The following FNBP4 variants were observed in gnomAD, a reference collection of about 807,000 sequenced individuals.
FNBP4 encodes formin binding protein 4, also known as formin-binding protein 4.
In FNBP4, 34 loss-of-function variants were observed where a neutral mutation model predicts 119.3. The observed-to-expected ratio is 0.28, with a 90% CI of 0.22 to 0.38. The LOEUF is 0.38. Ranked by LOEUF, FNBP4 falls within the 10% of genes least tolerant of loss-of-function variation. The probability of loss-of-function intolerance (pLI) is 1.00; values close to 1 mark genes in which losing one functional copy is unlikely to be tolerated. For missense variants in FNBP4, 1,112 were observed against 1,228.9 expected, an observed-to-expected ratio of 0.90 and a Z score of 1.42; for synonymous variants, 462 against 430.6, an observed-to-expected ratio of 1.07 and a Z score of -0.90.
rs71045510 is a variant in FNBP4 at position 47,738,847 on chromosome 11, A to ATTTTT, written c.1457-2112_1457-2108dup. On this transcript the variant is annotated intron_variant, in intron 8 of 16. Transcript: ENST00000263773. ...AGGTGTTTGCCACCATGCCCAGGTA[A>ATTTTT]TTTTTTTTTTTTTTTTTTTTTTTTT... 2.1e-3 allele frequency among the ~76,000 whole-genome samples: 237 copies of ATTTTT among 110,952 alleles called. 23 individuals are homozygous for ATTTTT. Among genetic ancestry groups the ATTTTT allele is most frequent in the South Asian group, 3.7e-3 (11 of 2,984 alleles). 72.8% of individuals were successfully genotyped at this position (110,952 alleles called of 152,430 possible).
At chr11:47,739,260 A>T (rs1364970924) in intron 8 of FNBP4, among the ~76,000 whole-genome samples, 1 of 152,052 alleles carries the variant, frequency 6.6e-6, no homozygotes, top group African/African-American at 2.4e-5. Context: ...TTAACCTTAT[A>T]ATATAATAGC....
At chr11:47,765,697 C>G (rs960861391) in intron 1 of FNBP4, among the ~76,000 whole-genome samples, 6 of 151,402 alleles carry the variant, frequency 4.0e-5, no homozygotes, top group Non-Finnish European at 8.8e-5. Context: ...CTTGTAATCC[C>G]AACTACTCGG....
intron 16 of FNBP4, among the ~76,000 whole-genome samples, chr11:47,719,507 ATG>A (rs1238479255): frequency 2.0e-5 from 3 of 151,862 alleles, no homozygotes; most frequent in East Asian, 1.9e-4. Context: ...TTGTACAATA[ATG>A]TGTGTGTGTA....
intron 7 of FNBP4, among the ~76,000 whole-genome samples, chr11:47,745,740 A>AC (rs1393071140): frequency 6.6e-6 from 1 of 151,902 alleles, no homozygotes; most frequent in African/African-American, 2.4e-5. Flanking sequence ...ATGTGATGTC[A>AC]CCCCCGGCGG....
rs749367262 is a variant in FNBP4, at chr11:47,767,332, G to A, written c.-44C>T. The A allele has an allele frequency of 4.2e-6, 6 of 1,431,084 alleles. No homozygotes were observed. The highest frequency in any genetic ancestry group is 2.8e-5 in the East Asian group (1 of 35,806). The allele number at this position is 1,431,084 out of a possible 1,614,324, so 88.6% of individuals were successfully genotyped here. ...CAGAGAGCGTCGGGCGGCCGAGAGG[G>A]GCGGGCACTGGAGGCTGGGCGCTGG... On this transcript the variant is annotated 5_prime_UTR_variant, in exon 1 of 17. Coordinates refer to ENST00000263773, the MANE Select transcript of FNBP4 (RefSeq NM_015308.5).
At chr11:47,741,758 G>A (rs1393730209) in intron 8 of FNBP4, among the ~76,000 whole-genome samples, 1 of 151,962 alleles carries the variant, frequency 6.6e-6, no homozygotes, top group Non-Finnish European at 1.5e-5. Flanking sequence ...GGAGGTTGCA[G>A]TGAGCTAAGA....
chr11:47,733,434 C>A (rs1321379511), intron 10 of FNBP4, among the ~76,000 whole-genome samples: 1 of 151,944 alleles, frequency 6.6e-6, no homozygotes, highest in Non-Finnish European at 1.5e-5. Context: ...CTCCTGGGTT[C>A]AAGCGATTCT....
Position 47,734,008 on chromosome 11 carries a change from A to C in FNBP4, c.1686+17T>G. Reference sequence around the variant, plus strand: ...CACTTAACTGTTTATGCCAAAAAAAAAAAAAAAAAGACTTACCTCAGTCTG... The same window carrying C: ...CACTTAACTGTTTATGCCAAAAAAACAAAAAAAAAGACTTACCTCAGTCTG... On this transcript the variant is annotated intron_variant, in intron 10 of 16. Coordinates refer to ENST00000263773, the MANE Select transcript of FNBP4 (RefSeq NM_015308.5). 7.3e-7 allele frequency: 1 copy of C among 1,371,964 alleles called. No individual in the cohort carries two copies. Among genetic ancestry groups the C allele is most frequent in the Non-Finnish European group, 9.8e-7 (1 of 1,018,944 alleles). The allele number at this position is 1,371,964 out of a possible 1,614,324, so 85.0% of individuals were successfully genotyped here.
intron 15 of FNBP4, among the ~76,000 whole-genome samples, chr11:47,722,690 A>C (rs1430373711): frequency 1.3e-5 from 2 of 152,080 alleles, no homozygotes; most frequent in Non-Finnish European, 2.9e-5. Flanking sequence ...TCCTGGGTTC[A>C]AGCGATTCTC....
At chr11:47,748,391 GTTA>G (rs969510173) in intron 6 of FNBP4, among the ~76,000 whole-genome samples, 17 of 151,846 alleles carry the variant, frequency 1.1e-4, no homozygotes, top group Admixed American at 2.6e-4. Flanking sequence ...GTAAATTTAA[GTTA>G]TTATTATTAT....
At chr11:47,763,448 G>A (rs1275657341) in intron 2 of FNBP4, among the ~76,000 whole-genome samples, 1 of 147,334 alleles carries the variant, frequency 6.8e-6, no homozygotes, top group African/African-American at 2.5e-5. Flanking sequence ...AAGATTTGTT[G>A]CTACTTAAAG....
chr11:47,718,457 C>A (rs1253164800), intron 16 of FNBP4, among the ~76,000 whole-genome samples: 9 of 152,044 alleles, frequency 5.9e-5, no homozygotes, highest in Non-Finnish European at 5.9e-5. Context: ...CGTGATCCAC[C>A]CACCTCGGCT....
intron 2 of FNBP4, 103 bp from the exon 3 acceptor site, chr11:47,754,767 G>T: frequency 7.8e-7 from 1 of 1,285,300 alleles, no homozygotes; most frequent in Admixed American, 2.3e-5. Context: ...CTTACTTACA[G>T]ATTAGAACAT....
At chr11:47,764,897 T>C (rs2135297615) in intron 2 of FNBP4, among the ~76,000 whole-genome samples, 1 of 152,248 alleles carries the variant, frequency 6.6e-6, no homozygotes, top group African/African-American at 2.4e-5. Context: ...AAATATTTAA[T>C]AAGATCAATT....
intron 2 of FNBP4, among the ~76,000 whole-genome samples, chr11:47,758,465 G>A (rs1007612290): frequency 2.6e-5 from 4 of 152,266 alleles, no homozygotes; most frequent in Non-Finnish European, 4.4e-5. Flanking sequence ...GCCTCCCAAA[G>A]TGCTGACATT....
At chr11:47,744,500 G>A (rs529445957) in intron 7 of FNBP4, among the ~76,000 whole-genome samples, 2 of 152,054 alleles carry the variant, frequency 1.3e-5, no homozygotes, top group Non-Finnish European at 2.9e-5. Flanking sequence ...CTGGGCTCAA[G>A]TGATCTCCTG....
In FNBP4 at chr11:47,741,814, C is replaced by CAAA. The variant is rs10650171; in HGVS notation, c.1456+2136_1456+2138dup. Among the ~76,000 whole-genome samples, 106 of 150,834 alleles carry CAAA rather than the reference C, an allele frequency of 7.0e-4. No individual in the cohort carries two copies. In the East Asian group the frequency reaches 0.018, roughly 25 times the overall value. On this transcript the variant is annotated intron_variant, in intron 8 of 16. Transcript: ENST00000263773. ...TGGGCGACAGAGTAAGACTCCGTCTCAAAAAAAAATAAAAAAATAAAGAAT... is the reference window on the plus strand; with the variant it reads ...TGGGCGACAGAGTAAGACTCCGTCTCAAAAAAAAAAAATAAAAAAATAAAGAAT...
Position 47,724,591 on chromosome 11 carries a change from C to T in FNBP4, c.2196G>A (p.Ala732=), listed in dbSNP as rs146938272. The change falls in exon 13 of 17, where the codon GCG becomes GCA. Residue 732 remains alanine, a synonymous_variant. Coordinates refer to ENST00000263773, the MANE Select transcript of FNBP4 (RefSeq NM_015308.5). The stretch of plus-strand genomic sequence containing the variant: ...CTACCTCCTGGATCTCACCATCTTC[C>T]GCAGGAGGAGGTGGTGGAGGAGGGG... The part of the protein sequence containing the change: ...PPPPPPPPPP[A]EDGEIQEVEM... 2.2e-5 allele frequency: 36 copies of T among 1,613,944 alleles called. No individual in the cohort carries two copies. The highest frequency in any genetic ancestry group is 1.5e-4 in the African/African-American group (11 of 74,946).
intron 16 of FNBP4, among the ~76,000 whole-genome samples, chr11:47,718,404 G>C (rs1220673836): frequency 6.6e-6 from 1 of 151,924 alleles, no homozygotes; most frequent in East Asian, 1.9e-4. Flanking sequence ...AGTAAAGACA[G>C]GTTTTCACTA....
Sources: allele counts gnomAD v4.1 joint callset (sites outside exome capture counted in the v4.1 genomes callset), GRCh38; gene constraint gnomAD v4.1.1; transcripts MANE v1.5; gene names NCBI Gene and HGNC (gene_info 2026-07-23, HGNC 2026-07-21).